Variants in APAF1 observed in about 807,000 individuals in gnomAD.
The protein encoded by APAF1 is apoptotic protease-activating factor 1.
In APAF1, 91 loss-of-function variants were observed where a neutral mutation model predicts 152.4. The ratio of observed to expected loss-of-function variants is 0.60; its 90% confidence interval spans 0.50 to 0.71. The LOEUF (loss-of-function observed/expected upper bound fraction) is 0.71, where lower values mean the gene tolerates loss of function less well. APAF1 is among the 30% of genes least tolerant of loss of function. The pLI is 0.00. For missense variants in APAF1, 1,283 were observed against 1,472.0 expected (o/e 0.87, Z 2.10); for synonymous variants, 484 against 494.1 (o/e 0.98, Z 0.27).
At chr12:98,710,534 A>G (rs1338062619) in intron 20 of APAF1, among the ~76,000 whole-genome samples, 2 of 152,214 alleles carry the variant, frequency 1.3e-5, no homozygotes, top group Non-Finnish European at 2.9e-5. Flanking sequence ...GAGGAAGCAG[A>G]CAATTGAGAC....
intron 9 of APAF1, 90 bp downstream of exon 9, chr12:98,666,447 C>A: frequency 3.8e-6 from 5 of 1,304,060 alleles, no homozygotes; most frequent in Non-Finnish European, 5.4e-6. Flanking sequence ...TAGATAGTTT[C>A]TGTGCATAAG....
intron 14 of APAF1, among the ~76,000 whole-genome samples, chr12:98,682,208 C>T (rs1261901177): frequency 2.6e-5 from 4 of 152,144 alleles, no homozygotes; most frequent in Admixed American, 6.5e-5. Context: ...CGGCCGCCAC[C>T]GCGCCTGGCT....
intron 7 of APAF1, 71 bp from the exon 8 acceptor site, chr12:98,665,482 T>TA: frequency 9.7e-7 from 1 of 1,026,770 alleles, no homozygotes; most frequent in Non-Finnish European, 1.5e-6. Flanking sequence ...GTAATGTAAG[T>TA]AAGTAAGTCG....
chr12:98,665,858 ATGTT>A lies in APAF1; in HGVS notation c.1194+68_1194+71del, dbSNP rs1172744438. The A allele has an allele frequency of 1.5e-5, 20 of 1,342,130 alleles. No individual in the cohort carries two copies. The Admixed American group carries it at 3.4e-4, about 23-fold the overall frequency. The allele number at this position is 1,342,130 out of a possible 1,614,324, so 83.1% of individuals were successfully genotyped here. On this transcript the variant is annotated intron_variant, in intron 8 of 26. Coordinates refer to ENST00000551964, the MANE Select transcript of APAF1 (RefSeq NM_181861.2). ...TGTAAGCTTTGATATAGTACTGAGC[ATGTT>A]GTTACAGAGAACCTTGGAAGGATAA... is the stretch of plus-strand genomic sequence containing the variant.
intron 15 of APAF1, among the ~76,000 whole-genome samples, chr12:98,686,057 C>T (rs2097697727): frequency 6.6e-6 from 1 of 152,156 alleles, no homozygotes; most frequent in South Asian, 2.1e-4. Flanking sequence ...TATTATCACA[C>T]CTAACATAAT....
chr12:98,692,114 G>A (rs528579696), intron 16 of APAF1, among the ~76,000 whole-genome samples: 5 of 152,110 alleles, frequency 3.3e-5, no homozygotes, highest in African/African-American at 1.2e-4. Flanking sequence ...ACAGAGTCTC[G>A]CTCTGTTGCT....
intron 20 of APAF1, among the ~76,000 whole-genome samples, chr12:98,711,326 A>G (rs2097727697): frequency 6.6e-6 from 1 of 152,154 alleles, no homozygotes; most frequent in South Asian, 2.1e-4. Flanking sequence ...GTATCATTCT[A>G]TGTCAGTGGT....
intron 16 of APAF1, among the ~76,000 whole-genome samples, chr12:98,687,704 C>T (rs756075829): frequency 6.6e-6 from 1 of 152,118 alleles, no homozygotes; most frequent in Non-Finnish European, 1.5e-5. Flanking sequence ...TTGAAGGTCC[C>T]ATCTCTCAAT....
chr12:98,708,160 G>C (rs536052629), intron 19 of APAF1, among the ~76,000 whole-genome samples: 5 of 152,078 alleles, frequency 3.3e-5, no homozygotes, highest in Non-Finnish European at 5.9e-5. Context: ...TTGGTCAGAC[G>C]TCTTGAACTC....
chr12:98,706,401 G>T (rs1396995385), intron 18 of APAF1, 84 bp from the exon 19 acceptor site: 1 of 1,348,854 alleles, frequency 7.4e-7, no homozygotes, highest in African/African-American at 1.4e-5. Flanking sequence ...GGTATTGCTG[G>T]CTCATTCTTG....
At chr12:98,684,385 C>T (rs2153325641) in intron 15 of APAF1, among the ~76,000 whole-genome samples, 1 of 150,892 alleles carries the variant, frequency 6.6e-6, no homozygotes, top group Non-Finnish European at 1.5e-5. Flanking sequence ...CCCTTTCCCT[C>T]TCCTCTCTCT....
At chr12:98,722,538 G>A (rs2097744452) in intron 22 of APAF1, among the ~76,000 whole-genome samples, 1 of 152,116 alleles carries the variant, frequency 6.6e-6, no homozygotes, top group Admixed American at 6.5e-5. Context: ...ATAAACTTCT[G>A]TGTACCTCTG....
At position 98,733,032 on chromosome 12, in the gene APAF1, A is replaced by C. The variant is rs187945549; in HGVS notation, c.*466A>C. On this transcript the variant is annotated 3_prime_UTR_variant, in exon 27 of 27. Transcript: ENST00000551964. ...AAATACAATCTTAGAGGTTTTTTGCACTCTTTAAATTTGCTTTAAAAATAT... is the reference window on the plus strand; with the variant it reads ...AAATACAATCTTAGAGGTTTTTTGCCCTCTTTAAATTTGCTTTAAAAATAT... 108 of 162,846 alleles carry C rather than the reference A, an allele frequency of 6.6e-4. No homozygotes were observed. The highest frequency in any genetic ancestry group is 3.1e-3 in the Middle Eastern group (1 of 322). The allele number at this position is 162,846 out of a possible 1,614,324, so 10.1% of individuals were successfully genotyped here.
chr12:98,666,878 G>A (rs2097673553), intron 9 of APAF1, among the ~76,000 whole-genome samples: 1 of 151,974 alleles, frequency 6.6e-6, no homozygotes, highest in Non-Finnish European at 1.5e-5. Flanking sequence ...TAGAGATAGT[G>A]TTTTGCCATG....
In APAF1 at chr12:98,649,178, C is replaced by T. The variant is rs1228218004; in HGVS notation, c.329-309C>T. ...TGAAAGGTATTCCATAAATGTTCTT[C>T]CTTTTACACTTGCCTTCCCAGTCTT... On this transcript the variant is annotated intron_variant, in intron 3 of 26. Transcript: ENST00000551964. 9.2e-6 allele frequency: 9 copies of T among 974,832 alleles called. No homozygotes were observed. In the African/African-American group the frequency reaches 1.1e-4, roughly 11 times the overall value. 60.4% of individuals were successfully genotyped at this position (974,832 alleles called of 1,614,324 possible). A position where few individuals can be genotyped will look rare whatever the true frequency, so the allele number is the denominator to read the frequency against.
At chr12:98,670,110 A>G (rs536665953) in intron 10 of APAF1, among the ~76,000 whole-genome samples, 209 of 152,030 alleles carry the variant, frequency 1.4e-3, no homozygotes, top group African/African-American at 4.7e-3. Flanking sequence ...ACACCCGGCT[A>G]ATTTTTGTAT....
At chr12:98,671,174 A>T in intron 11 of APAF1, 88 bp downstream of exon 11, 1 of 856,440 alleles carries the variant, frequency 1.2e-6, no homozygotes, top group Non-Finnish European at 1.9e-6. Flanking sequence ...GGGAATGAGC[A>T]GAATAGAAGG....
chr12:98,715,237 T>C (rs569299970), intron 21 of APAF1, among the ~76,000 whole-genome samples, 190 bp from the exon 22 acceptor site: 36 of 5,074 alleles, frequency 7.1e-3, no homozygotes, highest in African/African-American at 0.02. Flanking sequence ...ATGGTGTGCA[T>C]ATATATATAT....
chr12:98,723,027 T>C (rs754360084), intron 22 of APAF1, among the ~76,000 whole-genome samples, 166 bp from the exon 23 acceptor site: 3 of 152,374 alleles, frequency 2.0e-5, no homozygotes, highest in Non-Finnish European at 4.4e-5. Flanking sequence ...CCGCAGCTTC[T>C]GTCTGTAAAA....
Sources: gnomAD v4.1 joint callset for allele counts (sites outside exome capture counted in the v4.1 genomes callset) on GRCh38, gnomAD v4.1.1 for gene constraint, MANE v1.5 for transcripts, NCBI Gene and HGNC (gene_info 2026-07-23, HGNC 2026-07-21) for gene names.